Variants in GRM1 observed in about 807,000 individuals in gnomAD.
GRM1 encodes the protein glutamate metabotropic receptor 1.
GRM1 carries 33 observed loss-of-function variants against 90.9 expected under a neutral mutation model. That is an observed-to-expected ratio of 0.36 (90% CI 0.28 to 0.49). The LOEUF is 0.49. Among genes scored for constraint, GRM1 ranks in the 20% least tolerant of loss-of-function variants. The probability of loss-of-function intolerance (pLI) is 0.99; values close to 1 mark genes in which losing one functional copy is unlikely to be tolerated. For synonymous variants in GRM1, 700 were observed against 613.2 expected, an observed-to-expected ratio of 1.14 and a Z score of -2.09; for missense variants, 1,190 against 1,534.3, an observed-to-expected ratio of 0.78 and a Z score of 3.75.
At position 146,047,790 on chromosome 6, in the gene GRM1, G is replaced by A. The variant is rs141195769; in HGVS notation, c.700+17573G>A. On this transcript the variant is annotated intron_variant, in intron 1 of 7. Coordinates refer to ENST00000282753, the MANE Select transcript of GRM1 (RefSeq NM_001278064.2). ...TTAGTTTGAAACTTATTGAATTGGG[G>A]TTTATTGCCCATACTTATTGGACAA... Among the ~76,000 whole-genome samples the A allele has an allele frequency of 1.6e-4, 24 of 152,030 alleles. No individual in the cohort carries two copies. In the Middle Eastern group the frequency reaches 0.014, roughly 86 times the overall value.
intron 7 of GRM1, among the ~76,000 whole-genome samples, chr6:146,431,306 T>C (rs1222865807): frequency 6.6e-6 from 1 of 152,156 alleles, no homozygotes; most frequent in Admixed American, 6.5e-5. Context: ...TTGGATTTAA[T>C]TAAAACAGAA....
intron 2 of GRM1, among the ~76,000 whole-genome samples, chr6:146,173,535 A>T (rs536487421): frequency 6.6e-6 from 1 of 152,242 alleles, no homozygotes; most frequent in Admixed American, 6.5e-5. Context: ...ATAGTAAAAT[A>T]ATTAAGAGCC....
chr6:146,206,619 G>GT (rs11340139), intron 2 of GRM1, among the ~76,000 whole-genome samples: 2,521 of 145,460 alleles, frequency 0.017, 36 homozygotes, highest in Middle Eastern at 0.06. Context: ...TTCAAATAGT[G>GT]TTTTTTTTTT....
At chr6:146,306,048 A>G (rs772904588) in intron 3 of GRM1, among the ~76,000 whole-genome samples, 13 of 152,196 alleles carry the variant, frequency 8.5e-5, no homozygotes, top group Non-Finnish European at 1.9e-4. Context: ...AAATGCATCA[A>G]TGTATGTTTG....
intron 3 of GRM1, among the ~76,000 whole-genome samples, chr6:146,318,386 C>G (rs1295358808): frequency 6.6e-6 from 1 of 152,182 alleles, no homozygotes; most frequent in African/African-American, 2.4e-5. Context: ...GCCACATTTT[C>G]TTTATCCAGT....
intron 3 of GRM1, among the ~76,000 whole-genome samples, chr6:146,324,424 A>T (rs1784326566): frequency 6.6e-6 from 1 of 152,078 alleles, no homozygotes; most frequent in African/African-American, 2.4e-5. Context: ...CTGACATTTC[A>T]GGCTCCACTG....
intron 1 of GRM1, among the ~76,000 whole-genome samples, chr6:146,033,956 T>C (rs1004182722): frequency 3.3e-5 from 5 of 152,100 alleles, no homozygotes; most frequent in Admixed American, 2.0e-4. Context: ...CTTGTCTTGA[T>C]TGCAACCTAC....
chr6:146,256,146 C>T (rs894401150), intron 2 of GRM1, among the ~76,000 whole-genome samples: 1 of 152,152 alleles, frequency 6.6e-6, no homozygotes, highest in Non-Finnish European at 1.5e-5. Flanking sequence ...CTGGGATCTG[C>T]CACTGTGAGC....
At position 146,043,796 on chromosome 6, in the gene GRM1, T is replaced by TATATATATATATAGATAG. The variant is rs59240985; in HGVS notation, c.700+13592_700+13593insGATAGATATATATATATA. ...AAGAGTCAGGTGATATATATATATA[T>TATATATATATATAGATAG]ATATATATATATATAAAGGGAAGTG... On this transcript the variant is annotated intron_variant, in intron 1 of 7. Transcript: ENST00000282753. Among the ~76,000 whole-genome samples the TATATATATATATAGATAG allele has an allele frequency of 7.2e-5, 10 of 137,942 alleles. No homozygotes were observed. In the East Asian group the frequency reaches 1.7e-3, roughly 23 times the overall value. 90.5% of individuals were successfully genotyped at this position (137,942 alleles called of 152,430 possible). A position where few individuals can be genotyped will look rare whatever the true frequency, so the allele number is the denominator to read the frequency against.
chr6:146,141,870 C>A (rs1447987894), intron 1 of GRM1, among the ~76,000 whole-genome samples: 1 of 152,206 alleles, frequency 6.6e-6, no homozygotes, highest in East Asian at 1.9e-4. Context: ...ATTTCTGTCT[C>A]TCCAGGACTG....
intron 2 of GRM1, among the ~76,000 whole-genome samples, chr6:146,300,664 A>C (rs1283275226): frequency 1.3e-5 from 2 of 152,244 alleles, no homozygotes; most frequent in Admixed American, 6.5e-5. Context: ...ATGGAGCAGC[A>C]GAAGCTGCTA....
At chr6:146,196,124 T>A (rs1420358704) in intron 2 of GRM1, among the ~76,000 whole-genome samples, 1 of 152,176 alleles carries the variant, frequency 6.6e-6, no homozygotes, top group East Asian at 1.9e-4. Context: ...GAGAAAACCA[T>A]AGATGAGCAG....
chr6:146,192,934 G>A (rs963998557), intron 2 of GRM1, among the ~76,000 whole-genome samples: 3 of 152,002 alleles, frequency 2.0e-5, no homozygotes, highest in South Asian at 2.1e-4. Context: ...GAAGATGACC[G>A]GCATAGAAGA....
intron 2 of GRM1, among the ~76,000 whole-genome samples, chr6:146,238,358 C>T (rs920737061): frequency 6.6e-6 from 1 of 152,092 alleles, no homozygotes; most frequent in African/African-American, 2.4e-5. Flanking sequence ...TTAATTCACT[C>T]ACCTCTCTCC....
intron 2 of GRM1, among the ~76,000 whole-genome samples, chr6:146,208,255 A>G (rs1243205337): frequency 6.6e-6 from 1 of 152,178 alleles, no homozygotes; most frequent in Non-Finnish European, 1.5e-5. Context: ...CAAGAAGGCT[A>G]ATGGCATAAC....
chr6:146,045,304 T>C (rs1791284413), intron 1 of GRM1, among the ~76,000 whole-genome samples: 1 of 151,986 alleles, frequency 6.6e-6, no homozygotes, highest in African/African-American at 2.4e-5. Flanking sequence ...GAATGTAGCA[T>C]TGTAGTTAAT....
chr6:146,131,269 CT>C (rs1009221472), intron 1 of GRM1, among the ~76,000 whole-genome samples: 7 of 151,950 alleles, frequency 4.6e-5, no homozygotes, highest in Admixed American at 6.6e-5. Context: ...GAATTTTAGA[CT>C]TTTTTTCATT....
intron 2 of GRM1, among the ~76,000 whole-genome samples, chr6:146,238,244 G>A (rs1208313943): frequency 1.3e-5 from 2 of 152,116 alleles, no homozygotes; most frequent in Non-Finnish European, 2.9e-5. Context: ...AATGAAAAAT[G>A]GATAGGACCT....
At chr6:146,196,496 G>C (rs1294420385) in intron 2 of GRM1, among the ~76,000 whole-genome samples, 1 of 139,572 alleles carries the variant, frequency 7.2e-6, no homozygotes, top group Non-Finnish European at 1.5e-5. Context: ...TAGTAGAGAC[G>C]GGGTTTCACC....
Sources: gnomAD v4.1 joint callset for allele counts (sites outside exome capture counted in the v4.1 genomes callset) on GRCh38, gnomAD v4.1.1 for gene constraint, MANE v1.5 for transcripts, NCBI Gene and HGNC (gene_info 2026-07-23, HGNC 2026-07-21) for gene names.